SLC8A1: variants seen among roughly 807,000 people sequenced by gnomAD.
SLC8A1 encodes solute carrier family 8 member A1, also known as sodium/calcium exchanger 1.
Under a neutral mutation model 68.3 loss-of-function variants are expected in SLC8A1, and 18 were observed. That is an observed-to-expected ratio of 0.26 (90% CI 0.18 to 0.39). The LOEUF is 0.39. Ranked by LOEUF, SLC8A1 falls within the 10% of genes least tolerant of loss-of-function variation. The probability of loss-of-function intolerance (pLI) is 1.00; values close to 1 mark genes in which losing one functional copy is unlikely to be tolerated. For missense variants in SLC8A1, 985 were observed against 1,156.7 expected (o/e 0.85, Z 2.15); for synonymous variants, 475 against 415.5 (o/e 1.14, Z -1.74).
intron 2 of SLC8A1, among the ~76,000 whole-genome samples, chr2:40,406,926 T>C (rs1269549101): frequency 6.6e-6 from 1 of 151,424 alleles, no homozygotes; most frequent in Non-Finnish European, 1.5e-5. Flanking sequence ...TCCTCTGTGT[T>C]GTGTTCTCAA....
intron 2 of SLC8A1, among the ~76,000 whole-genome samples, chr2:40,313,983 C>G (rs2074097895): frequency 6.6e-6 from 1 of 151,790 alleles, no homozygotes; most frequent in Non-Finnish European, 1.5e-5. Flanking sequence ...CCTGTCTTTT[C>G]CTTCACTGAA....
At chr2:40,456,793 G>C (rs1401721194), upstream of SLC8A1, among the ~76,000 whole-genome samples, 1 of 152,098 alleles carries the variant, frequency 6.6e-6, no homozygotes, top group Admixed American at 6.5e-5. Flanking sequence ...TATATAATTA[G>C]ATTCTACATA....
intron 2 of SLC8A1, among the ~76,000 whole-genome samples, chr2:40,276,991 G>A (rs1380020306): frequency 2.0e-5 from 3 of 152,154 alleles, no homozygotes; most frequent in Non-Finnish European, 4.4e-5. Flanking sequence ...GAGATTCTAT[G>A]TATCAGCCTA....
At chr2:40,353,028 C>T (rs1671597217) in intron 2 of SLC8A1, among the ~76,000 whole-genome samples, 2 of 152,120 alleles carry the variant, frequency 1.3e-5, no homozygotes, top group African/African-American at 4.8e-5. Flanking sequence ...TCTTTGATTT[C>T]CTGAAGGGGT....
chr2:40,115,525 C>T (rs1422973928), exon 8 of SLC8A1: 1 of 1,614,070 alleles, frequency 6.2e-7, no homozygotes. Context: ...GACCAGGCCA[C>T]ACCGATTCCC....
rs969825475 is a variant in SLC8A1, at chr2:40,494,567, A to T, written c.-25+17782T>A. 4.0e-5 allele frequency among the ~76,000 whole-genome samples: 6 copies of T among 149,560 alleles called. No individual in the cohort carries two copies. In the South Asian group the frequency reaches 1.3e-3, roughly 32 times the overall value. ...TGGTATTTCTAGTTCTAGATCCCTG[A>T]GGAATGGTCACACACATATACATAT... On this transcript the variant is annotated intron_variant, in intron 1 of 7. Coordinates refer to the SLC8A1 transcript ENST00000402441.
chr2:40,160,769 A>G (rs1161930879), exon 6 of SLC8A1: 2 of 1,612,918 alleles, frequency 1.2e-6, no homozygotes, highest in Admixed American at 3.3e-5. Flanking sequence ...ACTCACCAGC[A>G]CTGACAGTGA....
chr2:40,372,047 C>A (rs1678271178), intron 2 of SLC8A1, among the ~76,000 whole-genome samples: 1 of 152,038 alleles, frequency 6.6e-6, no homozygotes, highest in African/African-American at 2.4e-5. Flanking sequence ...CTGCAAAGGC[C>A]AAGGATTTGA....
chr2:40,353,439 C>T (rs1307054331), intron 2 of SLC8A1, among the ~76,000 whole-genome samples: 2 of 152,068 alleles, frequency 1.3e-5, no homozygotes, highest in Admixed American at 1.3e-4. Flanking sequence ...GTAGATTTTT[C>T]ATTATGGAAA....
chr2:40,426,523 C>T (rs553786877), intron 2 of SLC8A1, among the ~76,000 whole-genome samples: 7 of 152,092 alleles, frequency 4.6e-5, no homozygotes, highest in Non-Finnish European at 7.4e-5. Flanking sequence ...CCTTATTCTT[C>T]TGCATCGTAC....
intron 2 of SLC8A1, among the ~76,000 whole-genome samples, chr2:40,416,238 C>T (rs1302125905): frequency 6.6e-6 from 1 of 152,048 alleles, no homozygotes; most frequent in African/African-American, 2.4e-5. Context: ...ATCCTAAATA[C>T]ATTGTGACAG....
At chr2:40,260,504 G>A (rs974949688) in intron 2 of SLC8A1, among the ~76,000 whole-genome samples, 2 of 152,048 alleles carry the variant, frequency 1.3e-5, no homozygotes, top group African/African-American at 2.4e-5. Context: ...TAAAATAAGT[G>A]AACTTTGTTT....
chr2:40,307,146 T>TACAC (rs144335092), intron 2 of SLC8A1, among the ~76,000 whole-genome samples: 1,558 of 148,256 alleles, frequency 0.011, 25 homozygotes, highest in African/African-American at 0.032. Flanking sequence ...AAATGTGATA[T>TACAC]ACACACACAC....
intron 2 of SLC8A1, among the ~76,000 whole-genome samples, chr2:40,273,654 C>T (rs929732815): frequency 3.3e-5 from 5 of 152,132 alleles, no homozygotes; most frequent in Non-Finnish European, 7.3e-5. Flanking sequence ...TACCTCTCCA[C>T]GTTTTAAAAG....
chr2:40,388,355 G>A (rs1198284853), intron 2 of SLC8A1, among the ~76,000 whole-genome samples: 1 of 152,110 alleles, frequency 6.6e-6, no homozygotes. Context: ...CTGACAGCAC[G>A]CTTCCTAGAA....
intron 1 of SLC8A1, among the ~76,000 whole-genome samples, chr2:40,471,450 T>C (rs1413652913): frequency 6.6e-6 from 1 of 152,142 alleles, no homozygotes; most frequent in African/African-American, 2.4e-5. Context: ...CATCCATCAA[T>C]GTCTAAACTC....
chr2:40,307,448 G>A (rs1288936165), intron 2 of SLC8A1, among the ~76,000 whole-genome samples: 1 of 152,072 alleles, frequency 6.6e-6, no homozygotes, highest in Admixed American at 6.6e-5. Flanking sequence ...AAAAAGTTCT[G>A]GAGATCTGTT....
intron 2 of SLC8A1, among the ~76,000 whole-genome samples, chr2:40,197,100 G>C (rs1227298675): frequency 1.3e-5 from 2 of 152,026 alleles, no homozygotes; most frequent in African/African-American, 2.4e-5. Flanking sequence ...AATGAAGCCT[G>C]TTACTTGTTA....
upstream of SLC8A1, among the ~76,000 whole-genome samples, chr2:40,454,108 A>G (rs1383653730): frequency 6.6e-6 from 1 of 152,168 alleles, no homozygotes; most frequent in Non-Finnish European, 1.5e-5. Flanking sequence ...ACCAAAAATT[A>G]CTTAGAGTCC....
Sources: allele counts gnomAD v4.1 joint callset (sites outside exome capture counted in the v4.1 genomes callset), GRCh38; gene constraint gnomAD v4.1.1; transcripts MANE v1.5; gene names NCBI Gene and HGNC (gene_info 2026-07-23, HGNC 2026-07-21).